SPEF2: variants seen among roughly 807,000 people sequenced by gnomAD.
SPEF2 encodes the protein sperm flagella and cilia-associated protein 2.
SPEF2 carries 187 observed loss-of-function variants against 224.6 expected under a neutral mutation model. That is an observed-to-expected ratio of 0.83 (90% CI 0.74 to 0.94). The LOEUF (loss-of-function observed/expected upper bound fraction) is 0.94, where lower values mean the gene tolerates loss of function less well. SPEF2 is among the 40% of genes least tolerant of loss of function. The pLI is 0.00. For missense variants in SPEF2, 2,170 were observed against 2,135.6 expected (o/e 1.02, Z -0.32); for synonymous variants, 715 against 707.3 (o/e 1.01, Z -0.17).
intron 20 of SPEF2, among the ~76,000 whole-genome samples, chr5:35,715,821 T>C (rs1742460569): frequency 6.9e-6 from 1 of 144,972 alleles, no homozygotes; most frequent in Non-Finnish European, 1.5e-5. Flanking sequence ...AATTTCTTTT[T>C]TTTTTTTTTT....
chr5:35,673,740 C>T (rs1326823641), intron 10 of SPEF2, among the ~76,000 whole-genome samples: 1 of 152,124 alleles, frequency 6.6e-6, no homozygotes, highest in Non-Finnish European at 1.5e-5. Context: ...ATTGGATTAA[C>T]CCTACAGTGT....
chr5:35,747,534 T>G (rs1291400261), intron 23 of SPEF2, among the ~76,000 whole-genome samples: 2 of 152,214 alleles, frequency 1.3e-5, no homozygotes, highest in African/African-American at 4.8e-5. Flanking sequence ...AGGGTAGCTA[T>G]TCTTATATCA....
At chr5:35,776,541 T>C in intron 29 of SPEF2, 146 bp downstream of exon 29, 1 of 745,698 alleles carries the variant, frequency 1.3e-6, no homozygotes, top group East Asian at 2.7e-5. Context: ...AAACAGATAA[T>C]ATGAGCTTTA....
At chr5:35,661,291 T>C (rs1189235541) in intron 8 of SPEF2, among the ~76,000 whole-genome samples, 2 of 82,332 alleles carry the variant, frequency 2.4e-5, no homozygotes, top group African/African-American at 5.2e-5. Context: ...TATATATATA[T>C]ATATATATTA....
chr5:35,772,310 A>G (rs1752977680), intron 27 of SPEF2, among the ~76,000 whole-genome samples: 1 of 152,230 alleles, frequency 6.6e-6, no homozygotes, highest in Non-Finnish European at 1.5e-5. Context: ...GCAAATGAGC[A>G]GAACTCACTC....
rs771795763 is a variant in SPEF2 at position 35,693,036 on chromosome 5, C to T, written c.1899+312C>T. On this transcript the variant is annotated intron_variant, in intron 12 of 36. Coordinates refer to ENST00000356031, the MANE Select transcript of SPEF2 (RefSeq NM_024867.4). Reference sequence around the variant, plus strand: ...CCCCTTTGGGTCTAGTAGCCATCAGCTGGAGCCATTCTCCCAAGGAAAGAG... The same window carrying T: ...CCCCTTTGGGTCTAGTAGCCATCAGTTGGAGCCATTCTCCCAAGGAAAGAG... Among the ~76,000 whole-genome samples the T allele has an allele frequency of 1.2e-3, 179 of 152,038 alleles. 1 individual carries two copies. The highest frequency in any genetic ancestry group is 1.8e-3 in the Non-Finnish European group (124 of 68,016).
At chr5:35,676,271 T>G (rs1278812927) in intron 10 of SPEF2, among the ~76,000 whole-genome samples, 1 of 151,460 alleles carries the variant, frequency 6.6e-6, no homozygotes, top group African/African-American at 2.4e-5. Flanking sequence ...AAAGAGATGG[T>G]GGTCAGGGCT....
intron 10 of SPEF2, among the ~76,000 whole-genome samples, chr5:35,687,384 G>A (rs1753778678): frequency 6.6e-6 from 1 of 150,980 alleles, no homozygotes; most frequent in Non-Finnish European, 1.5e-5. Flanking sequence ...AACTTACAAG[G>A]CAACACTCCC....
In SPEF2 at chr5:35,806,975, A is replaced by T. The variant is rs749272115; in HGVS notation, c.5256+23A>T. On this transcript the variant is annotated intron_variant, in intron 35 of 36. Transcript: ENST00000356031. ...GAGGTTGGTTAAATTATTTTGAAAA[A>T]AGTTGGCCTCAATTCTGAGCATATT... 161 of 1,582,372 alleles carry T rather than the reference A, an allele frequency of 1.0e-4. 1 individual carries two copies. Among genetic ancestry groups the T allele is most frequent in the Non-Finnish European group, 1.3e-4 (157 of 1,167,294 alleles).
At chr5:35,642,273 T>A (rs1300923860) in intron 3 of SPEF2, among the ~76,000 whole-genome samples, 1 of 152,214 alleles carries the variant, frequency 6.6e-6, no homozygotes, top group Non-Finnish European at 1.5e-5. Flanking sequence ...TTCTTCTATG[T>A]TAATTGACAG....
At chr5:35,712,253 T>G (rs1460415177) in intron 19 of SPEF2, among the ~76,000 whole-genome samples, 1 of 151,782 alleles carries the variant, frequency 6.6e-6, no homozygotes, top group African/African-American at 2.4e-5. Context: ...TTTTATTATT[T>G]TATTTATTTA....
At chr5:35,651,532 T>C (rs1748186463) in intron 6 of SPEF2, among the ~76,000 whole-genome samples, 2 of 152,298 alleles carry the variant, frequency 1.3e-5, no homozygotes, top group East Asian at 1.9e-4. Context: ...AAGAAAAACG[T>C]TGGGAAGTGC....
chr5:35,811,102 T>A (rs202081876), intron 36 of SPEF2, among the ~76,000 whole-genome samples: 33 of 124,200 alleles, frequency 2.7e-4, no homozygotes, highest in Middle Eastern at 4.0e-3. Context: ...AAAAAAAAAA[T>A]AATAAATAAT....
At chr5:35,738,115 C>A (rs1162837740) in intron 21 of SPEF2, among the ~76,000 whole-genome samples, 1 of 152,094 alleles carries the variant, frequency 6.6e-6, no homozygotes, top group African/African-American at 2.4e-5. Context: ...TGGATATTAG[C>A]CCTTTGTCAG....
At chr5:35,708,508 T>C (rs1324398877) in intron 18 of SPEF2, among the ~76,000 whole-genome samples, 1 of 54,090 alleles carries the variant, frequency 1.8e-5, no homozygotes, top group Non-Finnish European at 3.9e-5. Context: ...CAAATACACA[T>C]ATATTCCTCA....
intron 10 of SPEF2, among the ~76,000 whole-genome samples, chr5:35,690,512 A>G (rs545343987): frequency 3.6e-4 from 55 of 152,260 alleles, no homozygotes; most frequent in African/African-American, 1.2e-3. Flanking sequence ...ACTTCTAATT[A>G]TATTACATGG....
chr5:35,778,574 A>G (rs1049653097), intron 29 of SPEF2, among the ~76,000 whole-genome samples: 1 of 152,218 alleles, frequency 6.6e-6, no homozygotes, highest in Non-Finnish European at 1.5e-5. Flanking sequence ...AATGGATTAT[A>G]TACAACAGAG....
At position 35,675,862 on chromosome 5, in the gene SPEF2, T is replaced by G. The variant is rs932288911; in HGVS notation, c.1524+5635T>G. ...CCAAGAAACAAGGCTATTTTCTAAT[T>G]GTTGTAGGCCAAGGATTTCAGAGGG... is the stretch of plus-strand genomic sequence containing the variant. On this transcript the variant is annotated intron_variant, in intron 10 of 36. Coordinates refer to ENST00000356031, the MANE Select transcript of SPEF2 (RefSeq NM_024867.4). 6.7e-6 allele frequency: 3 copies of G among 449,238 alleles called. No homozygotes were observed. The Admixed American group carries it at 7.2e-5, about 11-fold the overall frequency. The allele number at this position is 449,238 out of a possible 1,614,324, so 27.8% of individuals were successfully genotyped here.
At chr5:35,737,319 T>G (rs1444601503) in intron 21 of SPEF2, among the ~76,000 whole-genome samples, 1 of 151,618 alleles carries the variant, frequency 6.6e-6, no homozygotes, top group African/African-American at 2.4e-5. Context: ...ACCCATTAAC[T>G]CATCATTTAC....
Sources: gnomAD v4.1 joint callset for allele counts (sites outside exome capture counted in the v4.1 genomes callset) on GRCh38, gnomAD v4.1.1 for gene constraint, MANE v1.5 for transcripts, NCBI Gene and HGNC (gene_info 2026-07-23, HGNC 2026-07-21) for gene names.